The following ATP5F1A variants were observed in gnomAD, a reference collection of about 807,000 sequenced individuals.
ATP5F1A encodes the protein ATP synthase F1 subunit alpha, also known as ATP synthase F(1) complex subunit alpha, mitochondrial.
In ATP5F1A, 24 loss-of-function variants were observed where a neutral mutation model predicts 57.4. The ratio of observed to expected loss-of-function variants is 0.42; its 90% CI spans 0.30 to 0.59. ATP5F1A has a LOEUF of 0.59. Among genes scored for constraint, ATP5F1A ranks in the 20% least tolerant of loss-of-function variants. The pLI, the probability that ATP5F1A is intolerant of heterozygous loss-of-function variation, is 0.19. For missense variants in ATP5F1A, 494 were observed against 707.9 expected (o/e 0.70, Z 3.43); for synonymous variants, 251 against 255.5 (o/e 0.98, Z 0.17).
chr18:46,095,012 C>A, intron 2 of ATP5F1A, 41 bp downstream of exon 2: 1 of 1,552,336 alleles, frequency 6.4e-7, no homozygotes, highest in Non-Finnish European at 8.7e-7. Context: ...TTTATATCTT[C>A]ATCTAGTAAG....
rs572709272 is a variant in ATP5F1A, at chr18:46,091,742, G to C, written c.249C>G (p.Arg83=). The C allele has an allele frequency of 8.6e-5, 138 of 1,613,674 alleles. No homozygotes were observed. The East Asian group carries it at 1.7e-3, about 20-fold the overall frequency. The change falls in exon 3 of 12, where the codon CGC becomes CGG. Residue 83 remains arginine (R), a synonymous_variant. Coordinates refer to ENST00000398752, the MANE Select transcript of ATP5F1A (RefSeq NM_004046.6). ...RVLSIGDGIA[R]VHGLRNVQAE... ...CTTGAACATTCCTCAGCCCATGTAC[G>C]CGGGCAATACCATCACCAATACTTA...
At chr18:46,099,805 T>C (rs951197399), upstream of ATP5F1A, among the ~76,000 whole-genome samples, 1 of 152,112 alleles carries the variant, frequency 6.6e-6, no homozygotes, top group Non-Finnish European at 1.5e-5. Flanking sequence ...TGAATTTTGG[T>C]GAGGCAAATA....
chr18:46,097,528 G>A lies in ATP5F1A; in HGVS notation c.60+644C>T, dbSNP rs116530480. On this transcript the variant is annotated intron_variant, in intron 1 of 11. Transcript: ENST00000398752. ...GTGCCACAAAGCACACACTCTGCCG[G>A]AGAGACAATTTAGAAACCAGCTTCA... 8.8e-4 allele frequency among the ~76,000 whole-genome samples: 134 copies of A among 152,298 alleles called. 1 individual carries two copies. The highest frequency in any genetic ancestry group is 3.0e-3 in the African/African-American group (123 of 41,586).
intron 2 of ATP5F1A, chr18:46,093,128 AC>A (rs1464499614): frequency 6.6e-6 from 1 of 152,170 alleles, no homozygotes; most frequent in African/African-American, 2.4e-5. Context: ...CAGCCTGGAG[AC>A]AGAGCAAGAC....
intron 6 of ATP5F1A, 102 bp from the exon 7 acceptor site, chr18:46,087,594 A>C: frequency 7.2e-7 from 1 of 1,382,890 alleles, no homozygotes; most frequent in Non-Finnish European, 9.9e-7. Context: ...TTAAGAGTTA[A>C]TCAGGCCAGG....
chr18:46,096,275 C>T (rs969563127), intron 1 of ATP5F1A, among the ~76,000 whole-genome samples: 1 of 151,068 alleles, frequency 6.6e-6, no homozygotes. Flanking sequence ...CCAAGGCGGG[C>T]GGATTACCTA....
At chr18:46,094,870 T>C in intron 2 of ATP5F1A, 183 bp downstream of exon 2, 1 of 939,192 alleles carries the variant, frequency 1.1e-6, no homozygotes, top group African/African-American at 1.7e-5. Context: ...CAGTAGTTCA[T>C]TTGACTATAA....
intron 2 of ATP5F1A, 28 bp downstream of exon 2, chr18:46,095,025 C>A (rs369713479): frequency 2.5e-6 from 4 of 1,587,918 alleles, no homozygotes; most frequent in East Asian, 4.5e-5. Context: ...CTAGTAAGTG[C>A]GGCGTAGACT....
upstream of ATP5F1A, among the ~76,000 whole-genome samples, chr18:46,101,543 G>A (rs1345526278): frequency 2.0e-5 from 3 of 151,922 alleles, no homozygotes; most frequent in East Asian, 1.9e-4. Flanking sequence ...CCAAGATTGC[G>A]CCTCTGCACT....
intron 1 of ATP5F1A, among the ~76,000 whole-genome samples, chr18:46,103,610 C>CAA (rs71160711): frequency 0.13 from 4,482 of 33,998 alleles, 500 homozygotes; most frequent in African/African-American, 0.2. Context: ...GACTCCATCT[C>CAA]AAAAAAAAAA....
At position 46,094,000 on chromosome 18, in the gene ATP5F1A, G is replaced by A. The variant is rs531510246; in HGVS notation, c.139+1053C>T. On this transcript the variant is annotated intron_variant, in intron 2 of 11. Coordinates refer to ENST00000398752, the MANE Select transcript of ATP5F1A (RefSeq NM_004046.6). ...TGGGCACCTGTAATCCCACCTACTC[G>A]GGAGGCTGAGGCAGGAGAATCACTT... Among the ~76,000 whole-genome samples the A allele has an allele frequency of 3.3e-5, 5 of 151,958 alleles. No individual in the cohort carries two copies. The East Asian group carries it at 5.8e-4, about 18-fold the overall frequency.
upstream of ATP5F1A, among the ~76,000 whole-genome samples, chr18:46,100,303 G>C (rs1300655129): frequency 5.4e-5 from 8 of 149,414 alleles, no homozygotes; most frequent in African/African-American, 2.0e-4. Flanking sequence ...AAAGAAAAAG[G>C]CTGTCCAAGT....
chr18:46,084,780 A>C, intron 10 of ATP5F1A, 126 bp from the exon 11 acceptor site: 3 of 994,184 alleles, frequency 3.0e-6, no homozygotes, highest in Non-Finnish European at 4.3e-6. Context: ...TATTCTTCAC[A>C]ATATCAATGA....
At position 46,103,697 on chromosome 18, in the gene ATP5F1A, T is replaced by C. The variant is rs546553633; in HGVS notation, c.-49+440A>G. 2.7e-5 allele frequency among the ~76,000 whole-genome samples: 4 copies of C among 148,356 alleles called. No homozygotes were observed. In the East Asian group the frequency reaches 8.0e-4, roughly 30 times the overall value. On this transcript the variant is annotated intron_variant, in intron 1 of 12. Transcript: ENST00000282050. ...TTGGGAGGCCGAGGTGGGCGGATCATGAGGTTAGGAGTTCGAGACCAGCCT... is the reference window on the plus strand; with the variant it reads ...TTGGGAGGCCGAGGTGGGCGGATCACGAGGTTAGGAGTTCGAGACCAGCCT...
intron 11 of ATP5F1A, 48 bp downstream of exon 11, chr18:46,084,456 T>C (rs373170033): frequency 1.6e-5 from 25 of 1,575,758 alleles, no homozygotes; most frequent in Non-Finnish European, 2.1e-5. Flanking sequence ...TTTAACTTCA[T>C]ATCTTAAACA....
At chr18:46,096,391 T>G (rs1910955044) in intron 1 of ATP5F1A, among the ~76,000 whole-genome samples, 1 of 149,888 alleles carries the variant, frequency 6.7e-6, no homozygotes, top group Non-Finnish European at 1.5e-5. Context: ...TCCCAGCTAC[T>G]CGGGAAGCTG....
At position 46,087,497 on chromosome 18, in the gene ATP5F1A, G is replaced by A. The variant is rs1568245872; in HGVS notation, c.800-5C>T. The A allele has an allele frequency of 6.2e-7, 1 of 1,608,960 alleles. No homozygotes were observed. On this transcript the variant is annotated splice_polypyrimidine_tract_variant and splice_region_variant and intron_variant, in intron 6 of 11. Coordinates refer to ENST00000398752, the MANE Select transcript of ATP5F1A (RefSeq NM_004046.6). ...CAATGGTGTACTTCATGGCATCTGA[G>A]AAAATATATTTTACAATTTTATCAA...
At position 46,098,161 on chromosome 18, in the gene ATP5F1A, T is replaced by G. The variant is rs751197795; in HGVS notation, c.60+11A>C. 2.5e-6 allele frequency: 4 copies of G among 1,599,618 alleles called. No homozygotes were observed. The highest frequency in any genetic ancestry group is 3.4e-6 in the Non-Finnish European group (4 of 1,176,542). ...CCGGCCGCCTGCATCATGCCGGCCT[T>G]CGGTGCTCACCAGTCCGGCCCGCCG... is the stretch of plus-strand genomic sequence containing the variant. On this transcript the variant is annotated intron_variant, in intron 1 of 11. Coordinates refer to ENST00000398752, the MANE Select transcript of ATP5F1A (RefSeq NM_004046.6).
At chr18:46,093,665 A>C (rs2144206188) in intron 2 of ATP5F1A, among the ~76,000 whole-genome samples, 1 of 152,214 alleles carries the variant, frequency 6.6e-6, no homozygotes, top group Non-Finnish European at 1.5e-5. Flanking sequence ...CTCTACTAAA[A>C]ATACAAAAAT....
Sources: allele counts gnomAD v4.1 joint callset (sites outside exome capture counted in the v4.1 genomes callset), GRCh38; gene constraint gnomAD v4.1.1; transcripts MANE v1.5; gene names NCBI Gene and HGNC (gene_info 2026-07-23, HGNC 2026-07-21).